MAFK: variants seen among roughly 807,000 people sequenced by gnomAD.
MAFK encodes MAF bZIP transcription factor K.
In MAFK, 1 loss-of-function variant was observed where a neutral mutation model predicts 9.2. That is an observed-to-expected ratio of 0.11 (90% confidence interval 0.04 to 0.52). The LOEUF (loss-of-function observed/expected upper bound fraction) is 0.52. Among genes scored for constraint, MAFK ranks in the 20% least tolerant of loss-of-function variants. The probability of loss-of-function intolerance (pLI) is 0.94; values close to 1 mark genes in which losing one functional copy is unlikely to be tolerated. For missense variants in MAFK, 207 were observed against 236.0 expected, an observed-to-expected ratio of 0.88 and a Z score of 0.81; for synonymous variants, 110 against 107.4, an observed-to-expected ratio of 1.02 and a Z score of -0.15.
At chr7:1,536,306 G>C (rs1784027492) in intron 1 of MAFK, among the ~76,000 whole-genome samples, 1 of 152,222 alleles carries the variant, frequency 6.6e-6, no homozygotes. Flanking sequence ...GGCGATGCTG[G>C]TGTTTTGTTA....
At chr7:1,535,898 C>T (rs994470526) in intron 1 of MAFK, among the ~76,000 whole-genome samples, 3 of 152,216 alleles carry the variant, frequency 2.0e-5, no homozygotes, top group African/African-American at 4.8e-5. Context: ...GTCCTGGCTC[C>T]GTCACTCATC....
rs1174706488 is a variant in MAFK, at chr7:1,539,167, T to C, written c.-26T>C. On this transcript the variant is annotated 5_prime_UTR_variant, in exon 2 of 3. Transcript: ENST00000343242. ...TTTCCAGCTACGAGTTCCAGGGAGCTCTGTCCTGGTGACCGTGCCCGGGTT... is the reference window on the plus strand; with the variant it reads ...TTTCCAGCTACGAGTTCCAGGGAGCCCTGTCCTGGTGACCGTGCCCGGGTT... 1.2e-6 allele frequency: 2 copies of C among 1,613,034 alleles called. No individual in the cohort carries two copies. The highest frequency in any genetic ancestry group is 1.7e-6 in the Non-Finnish European group (2 of 1,179,582).
In MAFK at chr7:1,537,063, G is replaced by T. The variant is rs999891743; in HGVS notation, c.-44-2086G>T. Among the ~76,000 whole-genome samples, 3 of 152,382 alleles carry T rather than the reference G, an allele frequency of 2.0e-5. No homozygotes were observed. In the East Asian group the frequency reaches 5.8e-4, roughly 29 times the overall value. ...CCCTGGCAACCTTGACCTCCTGGAA[G>T]TAGTCAGCCACCCCTCCTGGGGCGC... On this transcript the variant is annotated intron_variant, in intron 1 of 2. Transcript: ENST00000343242.
At chr7:1,537,175 CT>C (rs1203512948) in intron 1 of MAFK, among the ~76,000 whole-genome samples, 4 of 152,318 alleles carry the variant, frequency 2.6e-5, no homozygotes, top group African/African-American at 9.6e-5. Context: ...AACTCTGCCC[CT>C]GGCATCTGGC....
Position 1,534,807 on chromosome 7 carries a change from C to T in MAFK, c.-45+3909C>T. On this transcript the variant is annotated intron_variant, in intron 1 of 2. Transcript: ENST00000343242. This position sits in a 1 kb window ranked among gnomAD's most constrained non-coding sequence, Gnocchi z 4.3. ...TCTCATCTGGGAAGAATCAGAGCCCCAAAGCTGAAATCCCCGTTTCTCTAT... is the reference window on the plus strand; with the variant it reads ...TCTCATCTGGGAAGAATCAGAGCCCTAAAGCTGAAATCCCCGTTTCTCTAT... 2.8e-6 allele frequency: 1 copy of T among 357,674 alleles called. No homozygotes were observed. The highest frequency in any genetic ancestry group is 5.7e-6 in the Non-Finnish European group (1 of 175,574). The allele number at this position is 357,674 out of a possible 1,614,324, so 22.2% of individuals were successfully genotyped here.
rs775748199 is a variant in MAFK, at chr7:1,540,406, C to T, written c.*31C>T. 32 of 124,490 alleles carry T rather than the reference C, an allele frequency of 2.6e-4. No individual in the cohort carries two copies. The highest frequency in any genetic ancestry group is 1.8e-3 in the East Asian group (8 of 4,486). The allele number at this position is 124,490 out of a possible 1,614,324, so 7.7% of individuals were successfully genotyped here. On this transcript the variant is annotated 3_prime_UTR_variant, in exon 3 of 3. Transcript: ENST00000343242. ...GCCGGGGGCGGGGGGTGGCGGGCGG[C>T]GGGCGGCGGGCAGGCGGGTGGGGGC...
chr7:1,536,846 G>A (rs978700802), intron 1 of MAFK, among the ~76,000 whole-genome samples: 6 of 152,240 alleles, frequency 3.9e-5, no homozygotes, highest in Non-Finnish European at 7.3e-5. Flanking sequence ...CTCCAGGCGC[G>A]TGGCTGGTCC....
At chr7:1,533,959 T>G in intron 1 of MAFK, 1 of 302,764 alleles carries the variant, frequency 3.3e-6, no homozygotes, top group Non-Finnish European at 6.7e-6. Flanking sequence ...GGAGGGGGTG[T>G]GGTGTGTTCT....
In MAFK at chr7:1,532,491, G is replaced by C. The variant is rs1398035041; in HGVS notation, c.-45+1593G>C. Among the ~76,000 whole-genome samples, 1 of 152,192 alleles carries C rather than the reference G, an allele frequency of 6.6e-6. No homozygotes were observed. Among genetic ancestry groups the C allele is most frequent in the South Asian group, 2.1e-4 (1 of 4,832 alleles). On this transcript the variant is annotated intron_variant, in intron 1 of 2. Coordinates refer to ENST00000343242, the MANE Select transcript of MAFK (RefSeq NM_002360.4). This position sits in a 1 kb window ranked among gnomAD's most constrained non-coding sequence, Gnocchi z 4.5. ...ACATTTATTAAAGCAGAAAAACCAGGCTTCTCCTGCCTTTTATCCTTGAAC... is the reference window on the plus strand; with the variant it reads ...ACATTTATTAAAGCAGAAAAACCAGCCTTCTCCTGCCTTTTATCCTTGAAC...
intron 1 of MAFK, among the ~76,000 whole-genome samples, chr7:1,531,433 G>A (rs750216903): frequency 2.0e-5 from 3 of 152,178 alleles, no homozygotes; most frequent in Non-Finnish European, 4.4e-5. Flanking sequence ...ACGCGTGCCC[G>A]GGAACGGGGT....
At chr7:1,531,666 T>C (rs915800606) in intron 1 of MAFK, among the ~76,000 whole-genome samples, 1 of 141,388 alleles carries the variant, frequency 7.1e-6, no homozygotes, top group African/African-American at 3.1e-5. Context: ...TTCAGGAAAC[T>C]GTGTATGTGC....
At position 1,534,716 on chromosome 7, in the gene MAFK, G is replaced by A; in HGVS notation, c.-45+3818G>A. 2 of 449,292 alleles carry A rather than the reference G, an allele frequency of 4.5e-6. No individual in the cohort carries two copies. The highest frequency in any genetic ancestry group is 9.0e-6 in the Non-Finnish European group (2 of 221,652). The allele number at this position is 449,292 out of a possible 1,614,324, so 27.8% of individuals were successfully genotyped here. A position where few individuals can be genotyped will look rare whatever the true frequency, so the allele number is the denominator to read the frequency against. On this transcript the variant is annotated intron_variant, in intron 1 of 2. Transcript: ENST00000343242. The surrounding 1 kb of genome is among the most constrained non-coding windows in gnomAD (Gnocchi z 4.3). ...GTGTCATCATTCACCCCTTGGGCAA[G>A]AACAAGTGACCCATCCAGAGCCCCC...
Position 1,540,507 on chromosome 7 carries a change from G to T in MAFK, c.*132G>T. 1 of 909,672 alleles carries T rather than the reference G, an allele frequency of 1.1e-6. No homozygotes were observed. The highest frequency in any genetic ancestry group is 1.7e-5 in the African/African-American group (1 of 59,330). The allele number at this position is 909,672 out of a possible 1,614,324, so 56.4% of individuals were successfully genotyped here. A position where few individuals can be genotyped will look rare whatever the true frequency, so the allele number is the denominator to read the frequency against. On this transcript the variant is annotated 3_prime_UTR_variant, in exon 3 of 3. Transcript: ENST00000343242. ...AGCGCAGGCCCCTCGGGCGCAGGCA[G>T]CTCACACCAGGAAGAGACTGTATTG...
chr7:1,536,756 G>A lies in MAFK; in HGVS notation c.-44-2393G>A, dbSNP rs566556715. 1.2e-3 allele frequency among the ~76,000 whole-genome samples: 178 copies of A among 152,340 alleles called. 4 individuals are homozygous for A. The South Asian group carries it at 0.035, about 30-fold the overall frequency. ...ATTCTGTGCATGGTGGGGAGAGGGA[G>A]GCGCCAGCACCATCCCATCCCGTGC... On this transcript the variant is annotated intron_variant, in intron 1 of 2. Coordinates refer to ENST00000343242, the MANE Select transcript of MAFK (RefSeq NM_002360.4).
Position 1,530,743 on chromosome 7 carries a change from G to C in MAFK, c.-200G>C, listed in dbSNP as rs1233875571. 3 of 149,676 alleles carry C rather than the reference G, an allele frequency of 2.0e-5. No homozygotes were observed. The highest frequency in any genetic ancestry group is 1.3e-4 in the Admixed American group (2 of 14,988). The allele number at this position is 149,676 out of a possible 1,614,324, so 9.3% of individuals were successfully genotyped here. A position where few individuals can be genotyped will look rare whatever the true frequency, so the allele number is the denominator to read the frequency against. ...CCGGGCGGGCGGGTGCGGTGGCGGC[G>C]GGCGGCGCGGGGGCACTTGTTGTTC... On this transcript the variant is annotated 5_prime_UTR_variant, in exon 1 of 3. Transcript: ENST00000343242.
chr7:1,533,400 T>C (rs983792987), intron 1 of MAFK, among the ~76,000 whole-genome samples: 4 of 152,124 alleles, frequency 2.6e-5, no homozygotes, highest in Admixed American at 2.6e-4. Flanking sequence ...CCCAGAAGGA[T>C]CTAGAACCAG....
chr7:1,532,717 C>T lies in MAFK; in HGVS notation c.-45+1819C>T, dbSNP rs1278537318. Among the ~76,000 whole-genome samples the T allele has an allele frequency of 6.6e-6, 1 of 152,200 alleles. No individual in the cohort carries two copies. The highest frequency in any genetic ancestry group is 1.9e-4 in the East Asian group (1 of 5,196). ...GTGTGCTTTCACCCACGGGGCTCAG[C>T]GATGGCTGCGTTTGTTTACAGTCTC... On this transcript the variant is annotated intron_variant, in intron 1 of 2. Transcript: ENST00000343242. This position sits in a 1 kb window ranked among gnomAD's most constrained non-coding sequence, Gnocchi z 4.5.
chr7:1,536,719 C>T (rs1442914012), intron 1 of MAFK, among the ~76,000 whole-genome samples: 1 of 152,252 alleles, frequency 6.6e-6, no homozygotes, highest in Non-Finnish European at 1.5e-5. Context: ...TAGGTTAAGG[C>T]TACTTGGATT....
In MAFK at chr7:1,534,695, C is replaced by T. The variant is rs1164580237; in HGVS notation, c.-45+3797C>T. The T allele has an allele frequency of 2.2e-6, 1 of 454,742 alleles. No individual in the cohort carries two copies. 28.2% of individuals were successfully genotyped at this position (454,742 alleles called of 1,614,324 possible). A position where few individuals can be genotyped will look rare whatever the true frequency, so the allele number is the denominator to read the frequency against. On this transcript the variant is annotated intron_variant, in intron 1 of 2. Coordinates refer to ENST00000343242, the MANE Select transcript of MAFK (RefSeq NM_002360.4). This position sits in a 1 kb window ranked among gnomAD's most constrained non-coding sequence, Gnocchi z 4.3. ...AGGGGGTGGGGCATGGAGTCTGTGT[C>T]ATCATTCACCCCTTGGGCAAGAACA...
Sources: gnomAD v4.1 joint callset for allele counts (sites outside exome capture counted in the v4.1 genomes callset) on GRCh38, gnomAD v4.1.1 for gene constraint, Gnocchi (gnomAD v3.1) non-coding constraint, MANE v1.5 for transcripts, NCBI Gene and HGNC (gene_info 2026-07-23, HGNC 2026-07-21) for gene names.